TG: variants seen among roughly 807,000 people sequenced by gnomAD.
TG encodes the protein thyroid hormones.
TG carries 270 observed loss-of-function variants against 324.7 expected under a neutral mutation model. The ratio of observed to expected loss-of-function variants is 0.83; its 90% CI spans 0.75 to 0.92. TG has a LOEUF of 0.92. Among genes scored for constraint, TG ranks in the 40% least tolerant of loss-of-function variants. The pLI is 0.00. For missense variants in TG, 3,591 were observed against 3,456.4 expected, an observed-to-expected ratio of 1.04 and a Z score of -0.98; for synonymous variants, 1,401 against 1,327.0, an observed-to-expected ratio of 1.06 and a Z score of -1.21.
At chr8:132,900,450 G>A (rs1817753393) in intron 15 of TG, 111 bp downstream of exon 15, 7 of 987,504 alleles carry the variant, frequency 7.1e-6, no homozygotes, top group Non-Finnish European at 1.1e-5. Flanking sequence ...ATAGCTGTGG[G>A]GGCACAGCTG....
intron 41 of TG, among the ~76,000 whole-genome samples, chr8:133,091,684 CTGTG>C (rs994803577): frequency 6.6e-6 from 1 of 151,502 alleles, no homozygotes; most frequent in African/African-American, 2.4e-5. Context: ...GTCTCTGTGA[CTGTG>C]TGTGTTTGTG....
At chr8:132,909,317 T>C (rs1044232293) in intron 18 of TG, among the ~76,000 whole-genome samples, 2 of 152,124 alleles carry the variant, frequency 1.3e-5, no homozygotes, top group African/African-American at 4.8e-5. Context: ...TGATGTGTCA[T>C]GGGAAGATGG....
intron 41 of TG, among the ~76,000 whole-genome samples, chr8:133,035,800 G>A (rs1266208158): frequency 1.3e-5 from 2 of 152,064 alleles, no homozygotes; most frequent in East Asian, 1.9e-4. Context: ...CAAACTTTGT[G>A]TGTCAATAGA....
chr8:132,881,992 T>C, intron 6 of TG, 23 bp downstream of exon 6: 1 of 1,506,182 alleles, frequency 6.6e-7, no homozygotes, highest in Non-Finnish European at 9.2e-7. Flanking sequence ...CCTCAGGTGA[T>C]CTGAAGGGAG....
intron 24 of TG, 122 bp from the exon 25 acceptor site, chr8:132,935,634 C>A: frequency 2.4e-6 from 2 of 829,690 alleles, no homozygotes; most frequent in Non-Finnish European, 4.1e-6. Context: ...TCCAATAGAC[C>A]AGGAGCAACT....
At chr8:133,077,365 G>T (rs983774401) in intron 41 of TG, among the ~76,000 whole-genome samples, 1 of 152,284 alleles carries the variant, frequency 6.6e-6, no homozygotes, top group South Asian at 2.1e-4. Flanking sequence ...GGTCAGGGCC[G>T]CAGGCTCTTC....
chr8:132,970,245 T>G (rs1829317084), intron 32 of TG, among the ~76,000 whole-genome samples: 1 of 152,160 alleles, frequency 6.6e-6, no homozygotes, highest in African/African-American at 2.4e-5. Flanking sequence ...ATTGATTTAT[T>G]TGCTTAGTCA....
At chr8:133,095,546 G>A (rs935427350) in intron 42 of TG, among the ~76,000 whole-genome samples, 2 of 152,222 alleles carry the variant, frequency 1.3e-5, no homozygotes, top group Non-Finnish European at 2.9e-5. Flanking sequence ...TGGTGGGCAG[G>A]GGACCAAACC....
intron 23 of TG, among the ~76,000 whole-genome samples, chr8:132,931,006 C>T (rs1822634861): frequency 6.6e-6 from 1 of 152,158 alleles, no homozygotes; most frequent in Non-Finnish European, 1.5e-5. Context: ...TCTGTTTGGG[C>T]TGCTGGGACA....
rs1175023224 is a variant in TG at position 133,013,730 on chromosome 8, T to A, written c.6528T>A (p.Leu2176=). 2 of 1,612,950 alleles carry A rather than the reference T, an allele frequency of 1.2e-6. No homozygotes were observed. Among genetic ancestry groups the A allele is most frequent in the African/African-American group, 1.3e-5 (1 of 74,934 alleles). The change falls in exon 37 of 48, where the codon CTT becomes CTA. Residue 2176 remains leucine, a synonymous_variant. Transcript: ENST00000220616. ...SLQGQNCRLL[L]REEATHIYRK... ...AGGGTCAGAACTGCCGACTTCTGCT[T>A]CGTGAAGAGGCCACCCACATCTACC...
intron 40 of TG, among the ~76,000 whole-genome samples, chr8:133,024,945 C>A (rs1587793948): frequency 6.6e-6 from 1 of 151,898 alleles, no homozygotes; most frequent in South Asian, 2.1e-4. Context: ...ACCATTTGAC[C>A]CAGCAATCTC....
rs767259723 is a variant in TG at position 133,019,713 on chromosome 8, T to A, written c.6876+18T>A. The A allele has an allele frequency of 1.2e-6, 2 of 1,601,492 alleles. No homozygotes were observed. Among genetic ancestry groups the A allele is most frequent in the South Asian group, 1.1e-5 (1 of 90,548 alleles). ...AGAATGTGGTGAGTTCAAAAGCACT[T>A]GCTATGGTTGCCCTGAAGACTGTCC... On this transcript the variant is annotated intron_variant, in intron 39 of 47. Transcript: ENST00000220616.
chr8:133,043,462 C>T (rs138768970), intron 41 of TG, among the ~76,000 whole-genome samples: 3 of 152,308 alleles, frequency 2.0e-5, no homozygotes, highest in Admixed American at 1.3e-4. Context: ...GCTAAGTTTT[C>T]GGATATCACA....
chr8:132,869,837 G>C lies in TG; in HGVS notation c.274+11G>C, dbSNP rs751583092. 6.2e-7 allele frequency: 1 copy of C among 1,612,722 alleles called. No individual in the cohort carries two copies. The highest frequency in any genetic ancestry group is 1.3e-5 in the African/African-American group (1 of 74,906). ...GACGGCCTGTGGCTTGTAAGTGGGA[G>C]TGGGGGACGTCCCTTGGAGGGACCC... On this transcript the variant is annotated intron_variant, in intron 3 of 47. Coordinates refer to ENST00000220616, the MANE Select transcript of TG (RefSeq NM_003235.5).
chr8:132,922,243 G>C (rs1821209630), intron 21 of TG, among the ~76,000 whole-genome samples: 1 of 152,162 alleles, frequency 6.6e-6, no homozygotes, highest in Admixed American at 6.5e-5. Flanking sequence ...ACATTAGCTA[G>C]GGGGCCCGGT....
intron 17 of TG, among the ~76,000 whole-genome samples, chr8:132,907,328 C>T (rs750179207): frequency 1.3e-5 from 2 of 152,168 alleles, no homozygotes; most frequent in Non-Finnish European, 2.9e-5. Context: ...ACCTGGACTT[C>T]CAGGGCTAAT....
intron 20 of TG, 128 bp from the exon 21 acceptor site, chr8:132,919,248 A>T: frequency 1.0e-6 from 1 of 998,852 alleles, no homozygotes; most frequent in Non-Finnish European, 1.5e-6. Context: ...GTAGGTTCTC[A>T]GTGGACATTT....
At chr8:132,894,540 C>A (rs2132234659) in intron 11 of TG, among the ~76,000 whole-genome samples, 1 of 151,834 alleles carries the variant, frequency 6.6e-6, no homozygotes, top group Non-Finnish European at 1.5e-5. Flanking sequence ...CTCACCACAG[C>A]CTCGAACTCC....
chr8:132,926,711 C>T (rs1461300396), intron 22 of TG, among the ~76,000 whole-genome samples: 2 of 152,314 alleles, frequency 1.3e-5, no homozygotes, highest in East Asian at 3.9e-4. Flanking sequence ...GGACTTAGCA[C>T]TTACTGAGTG....
Sources: allele counts gnomAD v4.1 joint callset (sites outside exome capture counted in the v4.1 genomes callset), GRCh38; gene constraint gnomAD v4.1.1; transcripts MANE v1.5; gene names NCBI Gene and HGNC (gene_info 2026-07-23, HGNC 2026-07-21).